CRLF1: variants seen among roughly 807,000 people sequenced by gnomAD.
The protein encoded by CRLF1 is cytokine receptor-like factor 1.
In CRLF1, 36 loss-of-function variants were observed where a neutral mutation model predicts 48.9. The ratio of observed to expected loss-of-function variants is 0.74; its 90% CI spans 0.56 to 0.97. The LOEUF is 0.97. Ranked by LOEUF, CRLF1 falls within the 50% of genes least tolerant of loss-of-function variation. The probability of loss-of-function intolerance (pLI) is 0.00; values close to 1 mark genes in which losing one functional copy is unlikely to be tolerated. For synonymous variants in CRLF1, 256 were observed against 253.4 expected, an observed-to-expected ratio of 1.01 and a Z score of -0.10; for missense variants, 534 against 575.1, an observed-to-expected ratio of 0.93 and a Z score of 0.73.
At chr19:18,602,125 C>T (rs75109139) in intron 1 of CRLF1, among the ~76,000 whole-genome samples, 2,876 of 152,274 alleles carry the variant, frequency 0.019, 98 homozygotes, top group African/African-American at 0.066. Flanking sequence ...AACTTGGGGA[C>T]GCCCATGGGT....
chr19:18,594,032 T>TGGGGCCGC, intron 8 of CRLF1, 33 bp downstream of exon 8: 1 of 695,814 alleles, frequency 1.4e-6, no homozygotes, highest in Non-Finnish European at 2.2e-6. Flanking sequence ...CTCCCCTTGC[T>TGGGGCCGC]CCCTCCCGCC....
At position 18,599,002 on chromosome 19, in the gene CRLF1, G is replaced by A. The variant is rs975194561; in HGVS notation, c.398-101C>T. ...ACCCACCAGGCCCCCACCTTGGAGT[G>A]GAAGGAGGGCAGACAGGACAGTCTC... On this transcript the variant is annotated intron_variant, in intron 2 of 8. Transcript: ENST00000392386. The A allele has an allele frequency of 6.4e-6, 10 of 1,566,726 alleles. No individual in the cohort carries two copies. The African/African-American group carries it at 1.4e-4, about 21-fold the overall frequency.
intron 4 of CRLF1, 149 bp downstream of exon 4, chr19:18,598,283 C>G (rs1306094833): frequency 3.7e-6 from 3 of 805,154 alleles, no homozygotes; most frequent in Non-Finnish European, 5.8e-6. Context: ...TACCTTCCCT[C>G]TGACCAGCAG....
chr19:18,602,720 C>T (rs1418254666), intron 1 of CRLF1, among the ~76,000 whole-genome samples: 1 of 151,592 alleles, frequency 6.6e-6, no homozygotes, highest in Non-Finnish European at 1.5e-5. Context: ...CAATATTTTC[C>T]CATGAGATCT....
rs369272644 is a variant in CRLF1, at chr19:18,600,790, C to T, written c.116-944G>A. Among the ~76,000 whole-genome samples, 27 of 152,028 alleles carry T rather than the reference C, an allele frequency of 1.8e-4. No homozygotes were observed. The East Asian group carries it at 4.7e-3, about 26-fold the overall frequency. ...CTGGGATTACAGGAGTGAGCCAATA[C>T]ACCCAGGCATGCTTTGCTTTTTATT... On this transcript the variant is annotated intron_variant, in intron 1 of 8. Coordinates refer to ENST00000392386, the MANE Select transcript of CRLF1 (RefSeq NM_004750.5).
intron 8 of CRLF1, 115 bp downstream of exon 8, chr19:18,593,950 T>A: frequency 6.7e-7 from 1 of 1,489,212 alleles, no homozygotes; most frequent in Non-Finnish European, 9.1e-7. Context: ...ACGGATTCCA[T>A]CTCAGCGACT....
chr19:18,596,985 G>A lies in CRLF1; in HGVS notation c.762C>T (p.Ser254=), dbSNP rs780915776. Residue 254 remains serine (S), a synonymous_variant, in exon 5 of 9, where the codon AGC becomes AGT. Transcript: ENST00000392386. ...SRVGGLEDQL[S]VRWVSPPALK... is the part of the protein sequence containing the mutation. ...GGGCGGGTGGCGACACCCAGCGCAC[G>A]CTCAGCTGGTCCTCCAGGCCCCCGA... The A allele has an allele frequency of 6.8e-6, 11 of 1,613,816 alleles. No homozygotes were observed. Among genetic ancestry groups the A allele is most frequent in the Admixed American group, 3.3e-5 (2 of 60,010 alleles).
At chr19:18,602,342 C>A (rs987599523) in intron 1 of CRLF1, among the ~76,000 whole-genome samples, 2 of 152,192 alleles carry the variant, frequency 1.3e-5, no homozygotes, top group African/African-American at 4.8e-5. Context: ...GGTGCGGTGG[C>A]TCATGCCTGT....
Position 18,599,752 on chromosome 19 carries a change from G to A in CRLF1, c.210C>T (p.Thr70=), listed in dbSNP as rs572291511. The part of the protein sequence containing the change: ...CSVHGDPPGA[T]AEGLYWTLNG... ...TGAGGGTCCAGTAGAGGCCCTCGGC[G>A]GTGGCTCCTGGTGGGTCTCCGTGCA... The change falls in exon 2 of 9, where the codon ACC becomes ACT. Residue 70 remains threonine (T), a synonymous_variant. Transcript: ENST00000392386. 1.0e-4 allele frequency: 159 copies of A among 1,597,874 alleles called. No homozygotes were observed. In the Admixed American group the frequency reaches 1.4e-3, roughly 14 times the overall value.
At position 18,602,030 on chromosome 19, in the gene CRLF1, C is replaced by G. The variant is rs542159306; in HGVS notation, c.116-2184G>C. ...TCTGCAAAGTGAGAACGAGAAAGCT[C>G]TTTGTCTCCTGGGGTATTGTGAAAG... is the stretch of plus-strand genomic sequence containing the variant. On this transcript the variant is annotated intron_variant, in intron 1 of 8. Transcript: ENST00000392386. 4.6e-5 allele frequency among the ~76,000 whole-genome samples: 7 copies of G among 152,222 alleles called. No individual in the cohort carries two copies. The South Asian group carries it at 1.4e-3, about 32-fold the overall frequency.
chr19:18,598,556 C>T lies in CRLF1; in HGVS notation c.573G>A (p.Gly191=), dbSNP rs1350694555. ...DNTCEEYHTV[G]PHSCHIPKDL... ...CCTTGGGGATGTGGCAGGAGTGGGG[C>T]CCCACTGTGTGGTACTCCTCACATG... Residue 191 remains glycine, a synonymous_variant, in exon 4 of 9, where the codon GGG becomes GGA. Coordinates refer to ENST00000392386, the MANE Select transcript of CRLF1 (RefSeq NM_004750.5). The T allele has an allele frequency of 1.2e-6, 2 of 1,614,024 alleles. No homozygotes were observed. Among genetic ancestry groups the T allele is most frequent in the East Asian group, 2.2e-5 (1 of 44,884 alleles).
rs1332934018 is a variant in CRLF1, at chr19:18,593,577, G to T, written c.1258C>A (p.Pro420Thr). ...TGAGCCCCTACAGCTTATCTGGCAG[G>T]ACCTGCAGGCAGAGGGGAAGCCAAG... ...PSGRRGTARG[P>T]AR Residue 420 changes from proline (P) to threonine (T), a missense_variant and splice_region_variant, in exon 9 of 9, where the codon CCT (proline) becomes ACT (threonine). Around this residue, in one of 2 missense-constraint regions of CRLF1, gnomAD observed 528 missense variants for 555.7 expected, o/e 0.95. Coordinates refer to ENST00000392386, the MANE Select transcript of CRLF1 (RefSeq NM_004750.5). 6.2e-7 allele frequency: 1 copy of T among 1,609,336 alleles called. No homozygotes were observed. Among genetic ancestry groups the T allele is most frequent in the African/African-American group, 1.3e-5 (1 of 74,908 alleles).
intron 1 of CRLF1, among the ~76,000 whole-genome samples, chr19:18,605,119 A>G (rs1376057832): frequency 1.4e-5 from 2 of 143,836 alleles, no homozygotes; most frequent in Non-Finnish European, 3.1e-5. Context: ...TTCCCCCCTT[A>G]AAGGAAAAAA....
In CRLF1 at chr19:18,606,684, C is replaced by T; in HGVS notation, c.-28G>A. 3 of 467,976 alleles carry T rather than the reference C, an allele frequency of 6.4e-6. No individual in the cohort carries two copies. The highest frequency in any genetic ancestry group is 8.3e-6 in the Non-Finnish European group (3 of 360,852). The allele number at this position is 467,976 out of a possible 1,614,324, so 29.0% of individuals were successfully genotyped here. ...GGCCGGCGCTGCCGGGGGCGCGCGG[C>T]GGGCTGCGGCTCGGCGGCGGTGGCG... On this transcript the variant is annotated 5_prime_UTR_variant, in exon 1 of 9. Coordinates refer to ENST00000392386, the MANE Select transcript of CRLF1 (RefSeq NM_004750.5). This position sits in a 1 kb window ranked among gnomAD's most constrained non-coding sequence, Gnocchi z 4.8.
rs1976129263 is a variant in CRLF1 at position 18,596,187 on chromosome 19, A to AG, written c.1024+434dup. 2.0e-5 allele frequency among the ~76,000 whole-genome samples: 3 copies of AG among 152,304 alleles called. No individual in the cohort carries two copies. The South Asian group carries it at 6.2e-4, about 32-fold the overall frequency. On this transcript the variant is annotated intron_variant, in intron 6 of 8. Transcript: ENST00000392386. The stretch of plus-strand genomic sequence containing the variant: ...CAACAGGCCAAAGAAAATAGATCCA[A>AG]GGGCCACATTCAGCTCTGGGGGGGC...
At chr19:18,597,080 T>C in intron 4 of CRLF1, 31 bp from the exon 5 acceptor site, 1 of 1,600,948 alleles carries the variant, frequency 6.2e-7, no homozygotes. Context: ...CCTCTCAGCC[T>C]GGGACTGTCT....
intron 4 of CRLF1, among the ~76,000 whole-genome samples, chr19:18,597,876 C>T (rs980069089): frequency 1.3e-5 from 2 of 151,878 alleles, no homozygotes; most frequent in South Asian, 2.1e-4. Flanking sequence ...GGCTACAACC[C>T]AGGCGTATGT....
rs182788936 is a variant in CRLF1, at chr19:18,595,161, G to A, written c.1025-727C>T. Among the ~76,000 whole-genome samples, 7 of 152,316 alleles carry A rather than the reference G, an allele frequency of 4.6e-5. No individual in the cohort carries two copies. In the East Asian group the frequency reaches 9.7e-4, roughly 21 times the overall value. ...CGGCCTCACGTCATAAATAAAGCCG[G>A]GGACCCGCTGACAGGCCCTGGCACG... On this transcript the variant is annotated intron_variant, in intron 6 of 8. Coordinates refer to ENST00000392386, the MANE Select transcript of CRLF1 (RefSeq NM_004750.5).
rs145884498 is a variant in CRLF1 at position 18,598,462 on chromosome 19, C to A, written c.667G>T (p.Asp223Tyr). The A allele has an allele frequency of 1.2e-6, 2 of 1,613,880 alleles. No individual in the cohort carries two copies. Among genetic ancestry groups the A allele is most frequent in the African/African-American group, 1.3e-5 (1 of 74,904 alleles). The change falls in exon 4 of 9, where the codon GAT becomes TAT. Residue 223 changes from aspartate to tyrosine, a missense_variant. Around this residue, in one of 2 missense-constraint regions of CRLF1, gnomAD observed 528 missense variants for 555.7 expected, o/e 0.95. Coordinates refer to ENST00000392386, the MANE Select transcript of CRLF1 (RefSeq NM_004750.5). The part of the protein sequence containing the change: ...ATNRLGSARS[D>Y]VLTLDILDVV... The stretch of plus-strand genomic sequence containing the variant: ...TCCAGGATATCCAGCGTGAGTACAT[C>A]GGAGCGGGCAGAGCCCAGGCGGTTG...
Sources: gnomAD v4.1 joint callset for allele counts (sites outside exome capture counted in the v4.1 genomes callset) on GRCh38, gnomAD v4.1.1 for gene constraint, gnomAD v4.1.1 regional missense constraint, Gnocchi (gnomAD v3.1) non-coding constraint, MANE v1.5 for transcripts, NCBI Gene and HGNC (gene_info 2026-07-23, HGNC 2026-07-21) for gene names.